The following ROBO1 variants were observed in gnomAD, a reference collection of about 807,000 sequenced individuals.
The protein encoded by ROBO1 is roundabout guidance receptor 1.
A neutral mutation model predicts 195.9 loss-of-function variants in ROBO1; 149 were observed. That is an observed-to-expected ratio of 0.76 (90% CI 0.67 to 0.87). The LOEUF (loss-of-function observed/expected upper bound fraction) is 0.87. Among genes scored for constraint, ROBO1 ranks in the 40% least tolerant of loss-of-function variants. The pLI, the probability that ROBO1 is intolerant of heterozygous loss-of-function variation, is 0.00. For synonymous variants in ROBO1, 816 were observed against 733.2 expected, an observed-to-expected ratio of 1.11 and a Z score of -1.82; for missense variants, 1,933 against 2,068.3, an observed-to-expected ratio of 0.93 and a Z score of 1.27.
chr3:79,355,190 A>AC (rs1177219676), intron 2 of ROBO1, among the ~76,000 whole-genome samples: 9 of 151,898 alleles, frequency 5.9e-5, no homozygotes, highest in Non-Finnish European at 1.3e-4. Context: ...AAACAAACAA[A>AC]AAAAAAACCA....
chr3:78,626,754 CAT>C (rs1467668981), intron 26 of ROBO1, among the ~76,000 whole-genome samples: 1 of 118,784 alleles, frequency 8.4e-6, no homozygotes, highest in African/African-American at 4.1e-5. Context: ...CAAGCACACA[CAT>C]ACACACACAC....
At chr3:78,924,523 A>G (rs2039106585) in intron 4 of ROBO1, among the ~76,000 whole-genome samples, 1 of 152,068 alleles carries the variant, frequency 6.6e-6, no homozygotes, top group African/African-American at 2.4e-5. Flanking sequence ...TGGATCTGAC[A>G]TTCTAAAAAC....
intron 4 of ROBO1, among the ~76,000 whole-genome samples, chr3:78,750,409 C>T (rs942669135): frequency 6.6e-6 from 1 of 150,652 alleles, no homozygotes; most frequent in Non-Finnish European, 1.5e-5. Context: ...GCCAAGATCA[C>T]ACCACTGCAC....
chr3:79,760,948 C>T (rs1407234676), intron 1 of ROBO1, among the ~76,000 whole-genome samples: 1 of 151,152 alleles, frequency 6.6e-6, no homozygotes, highest in East Asian at 1.9e-4. Flanking sequence ...CACAGTGAGA[C>T]ATGTGCCAAA....
At chr3:79,176,083 C>T (rs2081257584) in intron 2 of ROBO1, among the ~76,000 whole-genome samples, 1 of 152,144 alleles carries the variant, frequency 6.6e-6, no homozygotes, top group South Asian at 2.1e-4. Context: ...AAAAAGGGAA[C>T]TGAGCCAGAT....
At chr3:79,440,466 C>T (rs2039016392) in intron 2 of ROBO1, among the ~76,000 whole-genome samples, 1 of 152,082 alleles carries the variant, frequency 6.6e-6, no homozygotes. Context: ...TCACAGCCAG[C>T]TCGACTAAGA....
rs577907847 is a variant in ROBO1 at position 78,649,331 on chromosome 3, T to A, written c.2813-1676A>T. ...TCAATCTAAATGAAATTTTCACTGC[T>A]AGCACACGAAATAACAACTTAATTT... On this transcript the variant is annotated intron_variant, in intron 19 of 30. Transcript: ENST00000464233. 2.6e-5 allele frequency among the ~76,000 whole-genome samples: 4 copies of A among 152,208 alleles called. No homozygotes were observed. The East Asian group carries it at 7.7e-4, about 29-fold the overall frequency.
chr3:78,931,374 G>A (rs955339923), intron 4 of ROBO1, among the ~76,000 whole-genome samples: 3 of 150,978 alleles, frequency 2.0e-5, no homozygotes, highest in Non-Finnish European at 2.9e-5. Context: ...AGCCTCCCGA[G>A]TAGCTGGGAT....
intron 2 of ROBO1, among the ~76,000 whole-genome samples, chr3:79,436,184 G>A (rs1163910408): frequency 1.3e-5 from 2 of 152,104 alleles, no homozygotes; most frequent in Non-Finnish European, 2.9e-5. Context: ...ATGTGCTAAT[G>A]AATAAAATGC....
intron 4 of ROBO1, among the ~76,000 whole-genome samples, chr3:78,929,899 G>A (rs1269194969): frequency 1.3e-5 from 2 of 152,036 alleles, no homozygotes; most frequent in African/African-American, 2.4e-5. Flanking sequence ...GAGATTGCAC[G>A]GAAGGGTCAC....
At chr3:79,695,920 G>A (rs1002093421) in intron 1 of ROBO1, among the ~76,000 whole-genome samples, 3 of 146,534 alleles carry the variant, frequency 2.0e-5, no homozygotes, top group African/African-American at 7.3e-5. Flanking sequence ...TAAAAATTAA[G>A]CGGACACAGT....
intron 1 of ROBO1, among the ~76,000 whole-genome samples, chr3:79,705,876 A>C (rs1947755118): frequency 6.6e-6 from 1 of 151,980 alleles, no homozygotes; most frequent in Admixed American, 6.6e-5. Flanking sequence ...CATCATACAG[A>C]TCTTGTACAT....
intron 29 of ROBO1, among the ~76,000 whole-genome samples, chr3:78,600,606 A>G (rs1703116847): frequency 6.6e-6 from 1 of 152,160 alleles, no homozygotes; most frequent in Non-Finnish European, 1.5e-5. Flanking sequence ...CCAAACCTGG[A>G]GTCAGACTTG....
chr3:79,116,671 C>T (rs933404844), intron 3 of ROBO1, among the ~76,000 whole-genome samples: 6 of 151,860 alleles, frequency 4.0e-5, no homozygotes, highest in Non-Finnish European at 7.4e-5. Flanking sequence ...ACACCCACCA[C>T]CACGCCCAGC....
intron 2 of ROBO1, among the ~76,000 whole-genome samples, chr3:79,297,157 T>C (rs2032640069): frequency 6.6e-6 from 1 of 152,184 alleles, no homozygotes; most frequent in Non-Finnish European, 1.5e-5. Flanking sequence ...GCTAACCAGA[T>C]AGCCTAATTA....
At chr3:78,981,788 A>AAC (rs375186931) in intron 3 of ROBO1, among the ~76,000 whole-genome samples, 25,605 of 140,594 alleles carry the variant, frequency 0.18, 2,264 homozygotes, top group African/African-American at 0.22. Context: ...GGCCCCTGCC[A>AAC]ACACACACAC....
At chr3:78,941,909 C>T (rs977442121) in intron 3 of ROBO1, among the ~76,000 whole-genome samples, 1 of 152,150 alleles carries the variant, frequency 6.6e-6, no homozygotes, top group Non-Finnish European at 1.5e-5. Flanking sequence ...TGAGTATCAT[C>T]AAGGCTGGTT....
intron 2 of ROBO1, among the ~76,000 whole-genome samples, chr3:79,382,319 A>G (rs2036602527): frequency 6.6e-6 from 1 of 152,192 alleles, no homozygotes; most frequent in South Asian, 2.1e-4. Flanking sequence ...AGCAAGAAGA[A>G]ATAGAGATAG....
intron 8 of ROBO1, among the ~76,000 whole-genome samples, chr3:78,712,789 T>A (rs1300700950): frequency 6.6e-6 from 1 of 152,198 alleles, no homozygotes; most frequent in Non-Finnish European, 1.5e-5. Flanking sequence ...TGTAACTGAA[T>A]TTAAAATTGC....
Sources: gnomAD v4.1 joint callset for allele counts (sites outside exome capture counted in the v4.1 genomes callset) on GRCh38, gnomAD v4.1.1 for gene constraint, MANE v1.5 for transcripts, NCBI Gene and HGNC (gene_info 2026-07-23, HGNC 2026-07-21) for gene names.